KIAA1210: variants seen among roughly 807,000 people sequenced by gnomAD.
KIAA1210 encodes the protein KIAA1210.
Under a neutral mutation model 78.9 loss-of-function variants are expected in KIAA1210, and 48 were observed. The observed-to-expected ratio is 0.61, with a 90% confidence interval of 0.48 to 0.77. The LOEUF is 0.77. Ranked by LOEUF, KIAA1210 falls within the 30% of genes least tolerant of loss-of-function variation. The pLI, the probability that KIAA1210 is intolerant of heterozygous loss-of-function variation, is 0.00. For missense variants in KIAA1210, 1,108 were observed against 1,100.0 expected (o/e 1.01, Z -0.10); for synonymous variants, 406 against 404.5 (o/e 1.00, Z -0.04).
intron 2 of KIAA1210, among the ~76,000 whole-genome samples, chrX:119,136,180 A>G (rs1928910338): frequency 8.9e-6 from 1 of 112,411 alleles, no homozygotes; most frequent in Admixed American, 9.4e-5. Context: ...AAAGCCGTCA[A>G]GGAGTGGAGA....
intron 3 of KIAA1210, among the ~76,000 whole-genome samples, chrX:119,116,138 A>T (rs1928253942): frequency 8.9e-6 from 1 of 112,037 alleles, no homozygotes; most frequent in Admixed American, 9.4e-5. Context: ...CAGATCAAAC[A>T]GGCCTTCAGC....
exon 1 of KIAA1210, chrX:119,150,330 G>A: frequency 8.3e-7 from 1 of 1,206,700 alleles, no homozygotes; most frequent in African/African-American, 1.7e-5. Context: ...GTGCAGGGCA[G>A]GAAGCCCCGG....
At chrX:119,146,748 A>G (rs1332289345) in intron 2 of KIAA1210, among the ~76,000 whole-genome samples, 3 of 111,169 alleles carry the variant, frequency 2.7e-5, no homozygotes. Flanking sequence ...GGTACCTGCC[A>G]CTCCATTGGC....
In KIAA1210 at chrX:119,105,022, A is replaced by G. The variant is rs1258664065; in HGVS notation, c.618T>C (p.Ala206=). Residue 206 remains alanine, a synonymous_variant, in exon 6 of 12, where the codon GCT becomes GCC. Coordinates refer to ENST00000691062, the MANE Select transcript of KIAA1210 (RefSeq NM_001394962.1). The part of the protein sequence containing the change: ...DESPKNPQKK[A]LPHKSLTATQ... Reference sequence around the variant, plus strand: ...TCGCTGTCAAACTCTTATGTGGTAAAGCCTTCTTTTGTGGATTCTTAGGTG... The same window carrying G: ...TCGCTGTCAAACTCTTATGTGGTAAGGCCTTCTTTTGTGGATTCTTAGGTG... 8.3e-7 allele frequency: 1 copy of G among 1,208,012 alleles called. No individual in the cohort carries two copies. The highest frequency in any genetic ancestry group is 1.1e-6 in the Non-Finnish European group (1 of 894,428).
Position 119,124,990 on chromosome X carries a change from A to T in KIAA1210, c.-10-1338T>A, listed in dbSNP as rs140703083. Among the ~76,000 whole-genome samples, 987 of 112,053 alleles carry T rather than the reference A, an allele frequency of 8.8e-3. 15 individuals carry two copies. The highest frequency in any genetic ancestry group is 0.03 in the African/African-American group (937 of 30,817). Reference sequence around the variant, plus strand: ...AACAAATATAACAGATACAGGGGCCAAATTTCTTAATTTATAAAGAGCTCA... The same window carrying T: ...AACAAATATAACAGATACAGGGGCCTAATTTCTTAATTTATAAAGAGCTCA... On this transcript the variant is annotated intron_variant, in intron 1 of 11. Transcript: ENST00000691062.
chrX:119,087,420 G>T lies in KIAA1210; in HGVS notation c.3282C>A (p.Asp1094Glu), dbSNP rs760369923. The T allele has an allele frequency of 3.3e-6, 4 of 1,208,998 alleles. No homozygotes were observed. The African/African-American group carries it at 7.0e-5, about 21-fold the overall frequency. Residue 1094 changes from aspartate to glutamate, a missense_variant, in exon 9 of 12, where the codon GAC becomes GAA. Transcript: ENST00000691062. ...HPLQSLGRPE[D>E]PQKVFSYSER... ...CTGAATAAGAGAAAACTTTCTGTGGGTCTTCAGGCCTCCCCAAGGACTGTA... is the reference window on the plus strand; with the variant it reads ...CTGAATAAGAGAAAACTTTCTGTGGTTCTTCAGGCCTCCCCAAGGACTGTA...
At chrX:119,110,453 G>T (rs1337673876) in intron 3 of KIAA1210, among the ~76,000 whole-genome samples, 1 of 111,029 alleles carries the variant, frequency 9.0e-6, no homozygotes, top group Non-Finnish European at 1.9e-5. Flanking sequence ...ATTCGACACT[G>T]TATGGGAGAT....
At chrX:119,126,129 G>A (rs1199332376) in intron 1 of KIAA1210, among the ~76,000 whole-genome samples, 1 of 107,516 alleles carries the variant, frequency 9.3e-6, no homozygotes. Context: ...TAGCTATGCT[G>A]CCATTGCTGT....
At chrX:119,123,802 T>C (rs190097923) in intron 1 of KIAA1210, 150 bp from the exon 2 acceptor site, 1 of 421,932 alleles carries the variant, frequency 2.4e-6, no homozygotes, top group African/African-American at 2.5e-5. Flanking sequence ...TACAGAGAAT[T>C]ATCCTTCCTT....
chrX:119,116,593 T>A lies in KIAA1210; in HGVS notation c.133A>T (p.Thr45Ser). 7 of 1,208,268 alleles carry A rather than the reference T, an allele frequency of 5.8e-6. No homozygotes were observed. Among genetic ancestry groups the A allele is most frequent in the Non-Finnish European group, 7.8e-6 (7 of 892,685 alleles). Residue 45 changes from threonine (T) to serine (S), a missense_variant, in exon 3 of 12, where the codon ACC becomes TCC. By Grantham distance (58) the Thr-to-Ser change is moderately conservative. Coordinates refer to ENST00000691062, the MANE Select transcript of KIAA1210 (RefSeq NM_001394962.1). ...AGTTCTAGCATTTCTTCTTCCTGGG[T>A]ATCTTCGGCTTCTTTTTCCTTCTTC... Reference protein sequence around the residue: ...VKKKEKEAEDTQEEEMLELSL... With the variant: ...VKKKEKEAEDSQEEEMLELSL...
At chrX:119,133,946 T>C (rs1228547868) in intron 2 of KIAA1210, among the ~76,000 whole-genome samples, 1 of 111,658 alleles carries the variant, frequency 9.0e-6, no homozygotes, top group Non-Finnish European at 1.9e-5. Context: ...CGGTATTTAG[T>C]AGATATTCAT....
intron 2 of KIAA1210, among the ~76,000 whole-genome samples, chrX:119,143,564 T>C (rs921681360): frequency 8.9e-6 from 1 of 112,350 alleles, no homozygotes; most frequent in African/African-American, 3.2e-5. Flanking sequence ...GACTGCTCTT[T>C]TGGACACTGT....
At chrX:119,086,048 G>A (rs2147169335) in intron 9 of KIAA1210, among the ~76,000 whole-genome samples, 1 of 112,720 alleles carries the variant, frequency 8.9e-6, no homozygotes, top group South Asian at 3.7e-4. Flanking sequence ...GGAGACATTC[G>A]TGCCCAAAAG....
chrX:119,115,739 T>C (rs1928239792), intron 3 of KIAA1210, among the ~76,000 whole-genome samples: 1 of 111,551 alleles, frequency 9.0e-6, no homozygotes, highest in African/African-American at 3.3e-5. Flanking sequence ...CAGAACTTCA[T>C]AGAGGGGGAT....
chrX:119,079,219 T>A lies in KIAA1210; in HGVS notation c.*2110A>T, dbSNP rs772031673. 8.9e-6 allele frequency: 1 copy of A among 112,140 alleles called. No individual in the cohort carries two copies. The highest frequency in any genetic ancestry group is 1.9e-5 in the Non-Finnish European group (1 of 53,258). 9.2% of individuals were successfully genotyped at this position (112,140 alleles called of 1,213,427 possible). On this transcript the variant is annotated 3_prime_UTR_variant, in exon 12 of 12. Coordinates refer to ENST00000691062, the MANE Select transcript of KIAA1210 (RefSeq NM_001394962.1). ...CTGACACCTCACTACCTCTCTGGATTTTTTTGCATGGGGCAGCACCCCACT... is the reference window on the plus strand; with the variant it reads ...CTGACACCTCACTACCTCTCTGGATATTTTTGCATGGGGCAGCACCCCACT...
chrX:119,147,709 G>A, intron 1 of KIAA1210: 1 of 780,802 alleles, frequency 1.3e-6, no homozygotes, highest in Non-Finnish European at 1.9e-6. Context: ...TAGCCAAGAG[G>A]AAGTCCACGG....
chrX:119,143,846 T>C (rs1929104711), intron 2 of KIAA1210, among the ~76,000 whole-genome samples: 1 of 112,275 alleles, frequency 8.9e-6, no homozygotes, highest in Non-Finnish European at 1.9e-5. Context: ...TCATCTCCAT[T>C]TTACAAATGA....
intron 7 of KIAA1210, among the ~76,000 whole-genome samples, chrX:119,094,686 T>C (rs957646862): frequency 3.6e-5 from 4 of 111,544 alleles, no homozygotes; most frequent in African/African-American, 1.3e-4. Context: ...TCTAAGAAAT[T>C]ACAGAGCAGG....
At chrX:119,132,370 A>G (rs1928813681), upstream of KIAA1210, among the ~76,000 whole-genome samples, 1 of 111,800 alleles carries the variant, frequency 8.9e-6, no homozygotes, top group Non-Finnish European at 1.9e-5. Context: ...AGATGAAGCC[A>G]AAACTGGGGT....
Sources: gnomAD v4.1 joint callset for allele counts (sites outside exome capture counted in the v4.1 genomes callset) on GRCh38, gnomAD v4.1.1 for gene constraint, MANE v1.5 for transcripts, NCBI Gene and HGNC (gene_info 2026-07-23, HGNC 2026-07-21) for gene names.